The following EMX2 variants were observed in gnomAD, a reference collection of about 807,000 sequenced individuals.
EMX2 encodes the protein empty spiracles homeobox 2.
A neutral mutation model predicts 23.0 loss-of-function variants in EMX2; 6 were observed. That is an observed-to-expected ratio of 0.26 (90% CI 0.14 to 0.52). The LOEUF (loss-of-function observed/expected upper bound fraction) is 0.52, where lower values mean the gene tolerates loss of function less well. Ranked by LOEUF, EMX2 falls within the 20% of genes least tolerant of loss-of-function variation. The probability of loss-of-function intolerance (pLI) is 0.97; values close to 1 mark genes in which losing one functional copy is unlikely to be tolerated. For missense variants in EMX2, 302 were observed against 341.4 expected (o/e 0.88, Z 0.91); for synonymous variants, 175 against 153.3 (o/e 1.14, Z -1.04).
intron 1 of EMX2, 70 bp from the exon 2 acceptor site, chr10:117,545,562 G>C: frequency 6.3e-7 from 1 of 1,596,694 alleles, no homozygotes; most frequent in Non-Finnish European, 8.5e-7. Context: ...GGCCAGCCCG[G>C]CTCGGGAGAA....
At chr10:117,548,044 C>T (rs776030488) in intron 2 of EMX2, 21 bp from the exon 3 acceptor site, 3 of 1,600,652 alleles carry the variant, frequency 1.9e-6, no homozygotes, top group Admixed American at 3.4e-5. Flanking sequence ...CTAACGCACC[C>T]CATCTGCCTC....
intron 1 of EMX2, 144 bp downstream of exon 1, chr10:117,543,817 C>A (rs1589648279): frequency 1.5e-6 from 2 of 1,313,650 alleles, no homozygotes; most frequent in Admixed American, 1.9e-5. Context: ...GGAAACTAGG[C>A]GGCGCGGGGC....
At chr10:117,547,767 A>G (rs1228448230) in intron 2 of EMX2, among the ~76,000 whole-genome samples, 1 of 152,194 alleles carries the variant, frequency 6.6e-6, no homozygotes, top group Non-Finnish European at 1.5e-5. Context: ...CGGGATATAG[A>G]TGCCCTCTGC....
intron 1 of EMX2, chr10:117,544,466 ATTTG>A (rs547964632): frequency 1.3e-3 from 196 of 151,080 alleles, no homozygotes; most frequent in African/African-American, 4.6e-3. Context: ...GATATTTTTT[ATTTG>A]TTTGTTTTTC....
At chr10:117,547,917 T>C (rs1352849192) in intron 2 of EMX2, 148 bp from the exon 3 acceptor site, 1 of 1,134,962 alleles carries the variant, frequency 8.8e-7, no homozygotes, top group Non-Finnish European at 1.3e-6. Flanking sequence ...GGGCAGGCCT[T>C]GGGGAGGCTG....
At chr10:117,543,747 G>A in intron 1 of EMX2, 74 bp downstream of exon 1, 1 of 1,609,444 alleles carries the variant, frequency 6.2e-7, no homozygotes, top group Non-Finnish European at 8.5e-7. Flanking sequence ...TGCTCCGGGT[G>A]GGCGCTTGGC....
At position 117,548,296 on chromosome 10, in the gene EMX2, A is replaced by G. The variant is rs1033264045; in HGVS notation, c.*64A>G. The G allele has an allele frequency of 5.9e-5, 93 of 1,588,642 alleles. No homozygotes were observed. Among genetic ancestry groups the G allele is most frequent in the Non-Finnish European group, 7.6e-5 (89 of 1,168,288 alleles). ...GCAAAAGAGACAGGGAGAGGTGGAG[A>G]AGGAAAAAACCCTACAAAACAAAAA... On this transcript the variant is annotated 3_prime_UTR_variant, in exon 3 of 3. Transcript: ENST00000553456.
At position 117,545,641 on chromosome 10, in the gene EMX2, C is replaced by A; in HGVS notation, c.416C>A (p.Thr139Asn). The part of the protein sequence containing the change: ...YLGHRFQGND[T>N]SPESFLLHNA... ...GCTGTGCTCCCCGCAGGGAACGACA[C>A]TAGCCCCGAGAGTTTCCTTTTGCAC... Residue 139 changes from threonine (T) to asparagine (N), a missense_variant, in exon 2 of 3, where the codon ACT becomes AAT. By Grantham distance (65) the Thr-to-Asn change is moderately conservative. Coordinates refer to ENST00000553456, the MANE Select transcript of EMX2 (RefSeq NM_004098.4). 1 of 1,614,070 alleles carries A rather than the reference C, an allele frequency of 6.2e-7. No homozygotes were observed. Among genetic ancestry groups the A allele is most frequent in the Non-Finnish European group, 8.5e-7 (1 of 1,180,040 alleles).
chr10:117,547,651 C>T (rs1712430607), intron 2 of EMX2, among the ~76,000 whole-genome samples: 1 of 152,250 alleles, frequency 6.6e-6, no homozygotes, highest in South Asian at 2.1e-4. Context: ...ACTGAGGTCT[C>T]TCTTGCACTC....
intron 1 of EMX2, chr10:117,544,270 G>C (rs1360242237): frequency 6.3e-6 from 1 of 157,630 alleles, no homozygotes; most frequent in African/African-American, 2.4e-5. Context: ...ACCCGTGCGG[G>C]AGGAAAGCTC....
In EMX2 at chr10:117,548,789, T is replaced by A; in HGVS notation, c.*557T>A. The A allele has an allele frequency of 4.9e-6, 2 of 405,558 alleles. No individual in the cohort carries two copies. Among genetic ancestry groups the A allele is most frequent in the East Asian group, 3.5e-5 (1 of 28,284 alleles). 25.1% of individuals were successfully genotyped at this position (405,558 alleles called of 1,614,324 possible). On this transcript the variant is annotated 3_prime_UTR_variant, in exon 3 of 3. Transcript: ENST00000553456. ...AATAATTAGTAATAAAAAACAAAAATTCCATATCTAGCCCCATCCCACACC... is the reference window on the plus strand; with the variant it reads ...AATAATTAGTAATAAAAAACAAAAAATCCATATCTAGCCCCATCCCACACC...
chr10:117,548,318 A>G lies in EMX2; in HGVS notation c.*86A>G. 1 of 1,531,690 alleles carries G rather than the reference A, an allele frequency of 6.5e-7. No individual in the cohort carries two copies. The highest frequency in any genetic ancestry group is 1.2e-5 in the South Asian group (1 of 83,930). 94.9% of individuals were successfully genotyped at this position (1,531,690 alleles called of 1,614,324 possible). On this transcript the variant is annotated 3_prime_UTR_variant, in exon 3 of 3. Transcript: ENST00000553456. Reference sequence around the variant, plus strand: ...GAGAAGGAAAAAACCCTACAAAACAAAAACAAACCGCATACACGTTCACCG... The same window carrying G: ...GAGAAGGAAAAAACCCTACAAAACAGAAACAAACCGCATACACGTTCACCG...
At position 117,548,538 on chromosome 10, in the gene EMX2, AAGAGAGAGAAAGAGAG is replaced by A; in HGVS notation, c.*316_*331del. Reference sequence around the variant, plus strand: ...GGAGAAAGAGGGAGGGAGAGAGAGAAAGAGAGAGAAAGAGAGAGAGAGAGAGAGAGAGAGAAAGCTG... The same window carrying A: ...GGAGAAAGAGGGAGGGAGAGAGAGAAAGAGAGAGAGAGAGAGAGAAAGCTG... On this transcript the variant is annotated 3_prime_UTR_variant, in exon 3 of 3. Coordinates refer to ENST00000553456, the MANE Select transcript of EMX2 (RefSeq NM_004098.4). The A allele has an allele frequency of 7.1e-6, 3 of 423,768 alleles. No homozygotes were observed. Among genetic ancestry groups the A allele is most frequent in the Non-Finnish European group, 1.2e-5 (3 of 256,632 alleles). The allele number at this position is 423,768 out of a possible 1,614,324, so 26.3% of individuals were successfully genotyped here. A position where few individuals can be genotyped will look rare whatever the true frequency, so the allele number is the denominator to read the frequency against.
chr10:117,548,430 C>T lies in EMX2; in HGVS notation c.*198C>T. 1 of 792,290 alleles carries T rather than the reference C, an allele frequency of 1.3e-6. No individual in the cohort carries two copies. Among genetic ancestry groups the T allele is most frequent in the Non-Finnish European group, 2.0e-6 (1 of 512,070 alleles). The allele number at this position is 792,290 out of a possible 1,614,324, so 49.1% of individuals were successfully genotyped here. ...CACAGGGTCCCAAACCGAGGCCGCG[C>T]CAAGATGGCAGAGGATGGAGGCTCC... On this transcript the variant is annotated 3_prime_UTR_variant, in exon 3 of 3. Coordinates refer to ENST00000553456, the MANE Select transcript of EMX2 (RefSeq NM_004098.4).
Position 117,548,353 on chromosome 10 carries a change from G to T in EMX2, c.*121G>T. ...GCATACACGTTCACCGAGAAAGGGA[G>T]AGGGAATCGGAGGGAGCAGCGGAAT... On this transcript the variant is annotated 3_prime_UTR_variant, in exon 3 of 3. Transcript: ENST00000553456. The T allele has an allele frequency of 7.2e-7, 1 of 1,394,944 alleles. No homozygotes were observed. The highest frequency in any genetic ancestry group is 1.5e-5 in the African/African-American group (1 of 68,828). 86.4% of individuals were successfully genotyped at this position (1,394,944 alleles called of 1,614,324 possible). A position where few individuals can be genotyped will look rare whatever the true frequency, so the allele number is the denominator to read the frequency against.
chr10:117,543,287 A>G lies in EMX2; in HGVS notation c.20A>G (p.Lys7Arg). 6.5e-7 allele frequency: 1 copy of G among 1,549,000 alleles called. No homozygotes were observed. Among genetic ancestry groups the G allele is most frequent in the Non-Finnish European group, 8.7e-7 (1 of 1,146,296 alleles). MFQPAP[K>R]RCFTIESLVA... The stretch of plus-strand genomic sequence containing the variant: ...CGCAGCATGTTCCAGCCGGCGCCCA[A>G]GCGCTGCTTCACCATCGAGTCGCTG... The change falls in exon 1 of 3, where the codon AAG (lysine) becomes AGG (arginine). Residue 7 changes from lysine (K) to arginine (R), a missense_variant. Around this residue, in one of 4 missense-constraint regions of EMX2, gnomAD observed 221 missense variants for 206.8 expected, o/e 1.07. Transcript: ENST00000553456.
In EMX2 at chr10:117,548,219, C is replaced by A; in HGVS notation, c.746C>A (p.Thr249Asn). 1 of 1,613,558 alleles carries A rather than the reference C, an allele frequency of 6.2e-7. No individual in the cohort carries two copies. Among genetic ancestry groups the A allele is most frequent in the Non-Finnish European group, 8.5e-7 (1 of 1,179,876 alleles). Residue 249 changes from threonine to asparagine, a missense_variant, in exon 3 of 3, where the codon ACC (threonine) becomes AAC (asparagine). By Grantham distance (65) the Thr-to-Asn change is moderately conservative (BLOSUM62 0). This residue lies in a region of EMX2 where 42 missense variants were observed against 49.3 expected (regional missense o/e 0.85). Coordinates refer to ENST00000553456, the MANE Select transcript of EMX2 (RefSeq NM_004098.4). The stretch of plus-strand genomic sequence containing the variant: ...GCGAGTCCGGAGGAAATAGACGTGA[C>A]CTCAGATGATTAAAAACATAAACCT... The part of the protein sequence containing the change: ...KQASPEEIDV[T>N]SDD
At chr10:117,546,155 G>A (rs1846576064) in intron 2 of EMX2, among the ~76,000 whole-genome samples, 1 of 152,204 alleles carries the variant, frequency 6.6e-6, no homozygotes. Flanking sequence ...AAGAGGGAGA[G>A]CACAGTGGGG....
At chr10:117,546,564 A>AGGG (rs1275609690) in intron 2 of EMX2, among the ~76,000 whole-genome samples, 1 of 152,244 alleles carries the variant, frequency 6.6e-6, no homozygotes, top group East Asian at 1.9e-4. Context: ...CAGCTCAGAA[A>AGGG]GGTCGAGGCT....
Sources: gnomAD v4.1 joint callset for allele counts (sites outside exome capture counted in the v4.1 genomes callset) on GRCh38, gnomAD v4.1.1 for gene constraint, gnomAD v4.1.1 regional missense constraint, MANE v1.5 for transcripts, NCBI Gene and HGNC (gene_info 2026-07-23, HGNC 2026-07-21) for gene names.